EWSR1: variants seen among roughly 807,000 people sequenced by gnomAD.
EWSR1 encodes the protein EWS RNA binding protein 1.
A neutral mutation model predicts 92.1 loss-of-function variants in EWSR1; 14 were observed. The ratio of observed to expected loss-of-function variants is 0.15; its 90% confidence interval spans 0.10 to 0.24. EWSR1 has a LOEUF of 0.24. EWSR1 is among the 10% of genes least tolerant of loss of function. The probability of loss-of-function intolerance (pLI) is 1.00; values close to 1 mark genes in which losing one functional copy is unlikely to be tolerated. For missense variants in EWSR1, 637 were observed against 870.9 expected, an observed-to-expected ratio of 0.73 and a Z score of 3.38; for synonymous variants, 303 against 292.9, an observed-to-expected ratio of 1.03 and a Z score of -0.35.
intron 5 of EWSR1, among the ~76,000 whole-genome samples, chr22:29,281,100 C>T (rs1446537105): frequency 1.3e-5 from 2 of 151,712 alleles, no homozygotes; most frequent in Admixed American, 6.6e-5. Flanking sequence ...AGGATAGTCT[C>T]GATCTCCTGA....
In EWSR1 at chr22:29,282,521, A is replaced by G; in HGVS notation, c.545A>G (p.Gln182Arg). ...CAGGTACCTGGGAGCTACCCCATGC[A>G]GCCAGTCACTGCACCTCCATCCTAC... is the stretch of plus-strand genomic sequence containing the variant. Reference protein sequence around the residue: ...YPQVPGSYPMQPVTAPPSYPP... With the variant: ...YPQVPGSYPMRPVTAPPSYPP... The change falls in exon 6 of 17, where the codon CAG becomes CGG. Residue 182 changes from glutamine (Q) to arginine (R), a missense_variant. Physicochemically the swap from Gln to Arg is conservative, Grantham distance 43 (BLOSUM62 1). Coordinates refer to ENST00000397938, the MANE Select transcript of EWSR1 (RefSeq NM_005243.4). The G allele has an allele frequency of 1.3e-6, 2 of 1,548,708 alleles. No homozygotes were observed. Among genetic ancestry groups the G allele is most frequent in the Non-Finnish European group, 1.7e-6 (2 of 1,155,066 alleles).
At chr22:29,284,260 G>A (rs1029020443) in intron 6 of EWSR1, among the ~76,000 whole-genome samples, 1 of 151,454 alleles carries the variant, frequency 6.6e-6, no homozygotes, top group African/African-American at 2.5e-5. Context: ...TTACAGGTGT[G>A]AGCCACCATG....
chr22:29,289,638 A>G, intron 8 of EWSR1: 1 of 232,634 alleles, frequency 4.3e-6, no homozygotes, highest in Non-Finnish European at 8.5e-6. Flanking sequence ...AAAGAAAAAA[A>G]AAAGTTATGC....
intron 10 of EWSR1, 127 bp downstream of exon 10, chr22:29,292,296 G>C (rs2060496955): frequency 1.8e-6 from 2 of 1,136,172 alleles, no homozygotes; most frequent in African/African-American, 3.1e-5. Context: ...GGACAGTTTG[G>C]GAAATCCTAT....
At chr22:29,299,373 CTAA>C in intron 15 of EWSR1, 42 bp downstream of exon 15, 1 of 1,585,560 alleles carries the variant, frequency 6.3e-7, no homozygotes, top group East Asian at 2.3e-5. Flanking sequence ...CTTCCTGGTG[CTAA>C]ACCTCTTTTC....
At chr22:29,273,685 G>C (rs2058871863) in intron 3 of EWSR1, 56 bp from the exon 4 acceptor site, 1 of 1,574,872 alleles carries the variant, frequency 6.3e-7, no homozygotes, top group Non-Finnish European at 8.6e-7. Context: ...CCATTTTATT[G>C]CTAAAATACA....
At position 29,287,003 on chromosome 22, in the gene EWSR1, G is replaced by A. The variant is rs1270465591; in HGVS notation, c.662G>A (p.Gly221Glu). ...ACCTATGGGCAACCGAGCAGCTATG[G>A]ACAGCAGAGTAGCTATGGTCAACAA... ...QNTYGQPSSYGQQSSYGQQSS... is the reference protein window; with the variant it reads ...QNTYGQPSSYEQQSSYGQQSS... Residue 221 changes from glycine to glutamate, a missense_variant, in exon 7 of 17, where the codon GGA (glycine) becomes GAA (glutamate). Physicochemically the swap from Gly to Glu is moderately conservative, Grantham distance 98. This residue lies in a region of EWSR1 where 116 missense variants were observed against 167.8 expected (regional missense o/e 0.69). Coordinates refer to ENST00000397938, the MANE Select transcript of EWSR1 (RefSeq NM_005243.4). The A allele has an allele frequency of 1.9e-6, 3 of 1,613,836 alleles. No homozygotes were observed. The Admixed American group carries it at 5.0e-5, about 27-fold the overall frequency.
chr22:29,299,887 G>A, intron 16 of EWSR1, 36 bp downstream of exon 16: 7 of 1,532,086 alleles, frequency 4.6e-6, no homozygotes, highest in Non-Finnish European at 5.3e-6. Flanking sequence ...GGGCCGCCAG[G>A]CACAGTAAGA....
rs145011929 is a variant in EWSR1 at position 29,292,609 on chromosome 22, C to T, written c.1164+3C>T. 494 of 1,574,748 alleles carry T rather than the reference C, an allele frequency of 3.1e-4. No homozygotes were observed. The highest frequency in any genetic ancestry group is 4.0e-4 in the Non-Finnish European group (460 of 1,144,976). On this transcript the variant is annotated splice_donor_region_variant and intron_variant, in intron 11 of 16. Transcript: ENST00000397938. ...TTAAGCAGTGTGGGGTTGTTAAGGTCAGTAAAAGCATAACCAGGTCATCTG... is the reference window on the plus strand; with the variant it reads ...TTAAGCAGTGTGGGGTTGTTAAGGTTAGTAAAAGCATAACCAGGTCATCTG...
chr22:29,282,593 A>G (rs1460699124), intron 6 of EWSR1, 36 bp downstream of exon 6: 3 of 1,487,218 alleles, frequency 2.0e-6, no homozygotes, highest in Admixed American at 2.7e-5. Context: ...AAAAACAGTG[A>G]CAAAACAGTT....
At position 29,300,328 on chromosome 22, in the gene EWSR1, T is replaced by G. The variant is rs1375377754; in HGVS notation, c.*167T>G. On this transcript the variant is annotated 3_prime_UTR_variant, in exon 17 of 17. Transcript: ENST00000397938. ...TTTGTGAAGAAACATTAAAACAAGT[T>G]AAATGGTAGTGTGCGGAGTTTTTTT... 1.5e-6 allele frequency: 1 copy of G among 689,356 alleles called. No individual in the cohort carries two copies. 42.7% of individuals were successfully genotyped at this position (689,356 alleles called of 1,614,324 possible).
intron 8 of EWSR1, chr22:29,290,689 G>A (rs2060376599): frequency 7.4e-7 from 1 of 1,353,784 alleles, no homozygotes; most frequent in Non-Finnish European, 9.5e-7. Flanking sequence ...TTTAAAGAGA[G>A]AGAACATTTT....
At chr22:29,284,699 C>A (rs764835454) in intron 6 of EWSR1, among the ~76,000 whole-genome samples, 1 of 151,276 alleles carries the variant, frequency 6.6e-6, no homozygotes. Flanking sequence ...ACAGTCGTAG[C>A]CCCCTGTAGC....
At chr22:29,286,142 T>TC (rs2060010420) in intron 6 of EWSR1, among the ~76,000 whole-genome samples, 2 of 144,500 alleles carry the variant, frequency 1.4e-5, no homozygotes. Context: ...CCCGGCCTGA[T>TC]TTTTTGGGTT....
chr22:29,298,361 C>G (rs1015560397), intron 13 of EWSR1, among the ~76,000 whole-genome samples: 3 of 152,132 alleles, frequency 2.0e-5, no homozygotes, highest in African/African-American at 7.2e-5. Flanking sequence ...CAAAAATTAG[C>G]CGGGTATGGT....
chr22:29,280,738 A>G (rs1272570261), intron 5 of EWSR1, among the ~76,000 whole-genome samples: 1 of 150,388 alleles, frequency 6.6e-6, no homozygotes, highest in Non-Finnish European at 1.5e-5. Context: ...CGATGGCACA[A>G]TCTCGGCTCG....
chr22:29,280,862 GTTTTTTTTTTTTTTT>G (rs71196650), intron 5 of EWSR1, among the ~76,000 whole-genome samples: 28 of 62,900 alleles, frequency 4.5e-4, no homozygotes, highest in Admixed American at 2.5e-3. Context: ...TGTGTGTGTT[GTTTTTTTTTTTTTTT>G]TTTTTTTTTT....
At chr22:29,294,946 A>G (rs1335628099) in intron 11 of EWSR1, among the ~76,000 whole-genome samples, 1 of 151,886 alleles carries the variant, frequency 6.6e-6, no homozygotes, top group African/African-American at 2.4e-5. Context: ...ATTTTGGTAA[A>G]TCTTATATAA....
At chr22:29,286,166 G>A (rs529579245) in intron 6 of EWSR1, among the ~76,000 whole-genome samples, 6 of 150,124 alleles carry the variant, frequency 4.0e-5, no homozygotes, top group African/African-American at 9.8e-5. Context: ...TTTTGGAGAC[G>A]GAATCTTCAC....
Sources: gnomAD v4.1 joint callset for allele counts (sites outside exome capture counted in the v4.1 genomes callset) on GRCh38, gnomAD v4.1.1 for gene constraint, gnomAD v4.1.1 regional missense constraint, MANE v1.5 for transcripts, NCBI Gene and HGNC (gene_info 2026-07-23, HGNC 2026-07-21) for gene names.